The following VEZT variants were observed in gnomAD, a reference collection of about 807,000 sequenced individuals.
VEZT encodes the protein vezatin.
VEZT carries 39 observed loss-of-function variants against 79.9 expected under a neutral mutation model. The ratio of observed to expected loss-of-function variants is 0.49; its 90% CI spans 0.38 to 0.64. The LOEUF (loss-of-function observed/expected upper bound fraction) is 0.64, where lower values mean the gene tolerates loss of function less well. Among genes scored for constraint, VEZT ranks in the 30% least tolerant of loss-of-function variants. The pLI is 0.00. For synonymous variants in VEZT, 325 were observed against 327.6 expected, an observed-to-expected ratio of 0.99 and a Z score of 0.09; for missense variants, 837 against 893.1, an observed-to-expected ratio of 0.94 and a Z score of 0.80.
chr12:95,228,124 T>C lies in VEZT; in HGVS notation c.36+10238T>C, dbSNP rs577474396. On this transcript the variant is annotated intron_variant, in intron 1 of 11. Transcript: ENST00000436874. The stretch of plus-strand genomic sequence containing the variant: ...CTCCTACTTCTTTCATACTTCTGTG[T>C]AAGTTATTAAATGTTAACCCTTTGT... Among the ~76,000 whole-genome samples the C allele has an allele frequency of 3.3e-5, 5 of 152,346 alleles. No individual in the cohort carries two copies. The East Asian group carries it at 5.8e-4, about 18-fold the overall frequency.
At position 95,302,222 on chromosome 12, in the gene VEZT, G is replaced by T. The variant is rs537503839; in HGVS notation, c.*1549G>T. ...GAAGAAGCAATTATGGAAAAACTTG[G>T]TAATCTCTCTCAACCTATAACCTTA... On this transcript the variant is annotated 3_prime_UTR_variant, in exon 12 of 12. Coordinates refer to ENST00000436874, the MANE Select transcript of VEZT (RefSeq NM_017599.4). 3.9e-5 allele frequency: 6 copies of T among 152,168 alleles called. No homozygotes were observed. The East Asian group carries it at 1.2e-3, about 29-fold the overall frequency. The allele number at this position is 152,168 out of a possible 1,614,324, so 9.4% of individuals were successfully genotyped here.
intron 1 of VEZT, chr12:95,245,566 T>C (rs917216458): frequency 1.1e-5 from 5 of 456,782 alleles, no homozygotes; most frequent in South Asian, 7.7e-5. Flanking sequence ...GTATTTATTA[T>C]TGAATCAGTT....
chr12:95,291,272 A>G (rs1320968259), intron 9 of VEZT, among the ~76,000 whole-genome samples: 2 of 152,178 alleles, frequency 1.3e-5, no homozygotes, highest in Non-Finnish European at 2.9e-5. Flanking sequence ...TGTGTGTCAC[A>G]TTATTTTAAA....
chr12:95,257,031 A>G, intron 2 of VEZT, 119 bp from the exon 3 acceptor site: 1 of 810,374 alleles, frequency 1.2e-6, no homozygotes, highest in Non-Finnish European at 1.9e-6. Flanking sequence ...TAACCTGGAC[A>G]ATTTTTTTCT....
chr12:95,271,379 C>G (rs1342794449), intron 6 of VEZT, among the ~76,000 whole-genome samples: 1 of 152,036 alleles, frequency 6.6e-6, no homozygotes, highest in Non-Finnish European at 1.5e-5. Context: ...TGAATGTGAT[C>G]AATAGAGAAA....
intron 3 of VEZT, among the ~76,000 whole-genome samples, chr12:95,258,487 A>G (rs1468653514): frequency 2.0e-5 from 3 of 152,134 alleles, no homozygotes; most frequent in Non-Finnish European, 4.4e-5. Flanking sequence ...TTTACTAGTA[A>G]TGGAACAAGA....
At chr12:95,235,490 C>T (rs1171596993) in intron 1 of VEZT, among the ~76,000 whole-genome samples, 5 of 134,586 alleles carry the variant, frequency 3.7e-5, no homozygotes, top group South Asian at 2.4e-4. Context: ...TAGGGGCGGC[C>T]GGGCAGAGGC....
Position 95,217,820 on chromosome 12 carries a change from C to G in VEZT, c.-31C>G, listed in dbSNP as rs201502247. On this transcript the variant is annotated 5_prime_UTR_variant, in exon 1 of 12. The change creates a new upstream start codon in the 5' untranslated region. Transcript: ENST00000436874. ...CTGTACTCCCGCCTTCATTTCCCAT[C>G]GTGCTGAGGCGGGTGGCATGGCGGA... is the stretch of plus-strand genomic sequence containing the variant. The G allele has an allele frequency of 6.5e-7, 1 of 1,548,418 alleles. No individual in the cohort carries two copies. Among genetic ancestry groups the G allele is most frequent in the Admixed American group, 2.1e-5 (1 of 47,488 alleles).
intron 9 of VEZT, 64 bp downstream of exon 9, chr12:95,287,921 T>G: frequency 7.2e-7 from 1 of 1,383,498 alleles, no homozygotes; most frequent in Non-Finnish European, 9.6e-7. Flanking sequence ...CTGGTAGGAT[T>G]TTATTAGGTA....
chr12:95,234,763 T>C (rs1253342562), intron 1 of VEZT, among the ~76,000 whole-genome samples: 1 of 152,144 alleles, frequency 6.6e-6, no homozygotes. Context: ...GATAAACAAG[T>C]GAACAAAGGT....
At position 95,266,583 on chromosome 12, in the gene VEZT, G is replaced by T. The variant is rs776108679; in HGVS notation, c.661G>T (p.Ala221Ser). ...AGCTTTTACTAACCTCGTGAGAAAA[G>T]CTTTACGTCTCATTCAAGAAACCGA... ...SRAFTNLVRK[A>S]LRLIQETEVI... The change falls in exon 5 of 12, where the codon GCT (alanine) becomes TCT (serine). Residue 221 changes from alanine (A) to serine (S), a missense_variant. Transcript: ENST00000436874. 16 of 1,613,466 alleles carry T rather than the reference G, an allele frequency of 9.9e-6. No homozygotes were observed. The highest frequency in any genetic ancestry group is 1.3e-5 in the Non-Finnish European group (15 of 1,179,782).
chr12:95,296,004 G>A lies in VEZT; in HGVS notation c.1624-47G>A, dbSNP rs778442451. 3.7e-6 allele frequency: 5 copies of A among 1,340,256 alleles called. No homozygotes were observed. The South Asian group carries it at 7.2e-5, about 19-fold the overall frequency. 83.0% of individuals were successfully genotyped at this position (1,340,256 alleles called of 1,614,324 possible). The stretch of plus-strand genomic sequence containing the variant: ...TGCAAGTAAATGAATGCTTACTAGA[G>A]AATTGTTTGCTTCAAGTAAAGTGCT... On this transcript the variant is annotated intron_variant, in intron 10 of 11. Transcript: ENST00000436874.
At chr12:95,298,066 G>A (rs1298079906) in intron 11 of VEZT, among the ~76,000 whole-genome samples, 1 of 152,002 alleles carries the variant, frequency 6.6e-6, no homozygotes, top group African/African-American at 2.4e-5. Flanking sequence ...GTTGCAGTGA[G>A]CCGACATCGC....
At position 95,262,981 on chromosome 12, in the gene VEZT, A is replaced by C. The variant is rs778057574; in HGVS notation, c.334A>C (p.Ile112Leu). The change falls in exon 4 of 12, where the codon ATT (isoleucine) becomes CTT (leucine). Residue 112 changes from isoleucine to leucine, a missense_variant. Coordinates refer to ENST00000436874, the MANE Select transcript of VEZT (RefSeq NM_017599.4). The part of the protein sequence containing the change: ...EVLLQEDVEL[I>L]ELLDPSILSA... Reference sequence around the variant, plus strand: ...CCTGTTACAAGAGGATGTGGAGCTGATTGAGCTACTTGATCCCAGTATCCT... The same window carrying C: ...CCTGTTACAAGAGGATGTGGAGCTGCTTGAGCTACTTGATCCCAGTATCCT... The C allele has an allele frequency of 1.2e-6, 2 of 1,613,592 alleles. No individual in the cohort carries two copies. Among genetic ancestry groups the C allele is most frequent in the Non-Finnish European group, 1.7e-6 (2 of 1,179,558 alleles).
In VEZT at chr12:95,300,389, G is replaced by A. The variant is rs746125252; in HGVS notation, c.2056G>A (p.Ala686Thr). The change falls in exon 12 of 12, where the codon GCA becomes ACA. Residue 686 changes from alanine to threonine, a missense_variant. By Grantham distance (58) the Ala-to-Thr change is moderately conservative. Transcript: ENST00000436874. ...NSSNEVFPQG[A>T]EERMCYQCES... ...TTCAAATGAAGTCTTCCCCCAAGGA[G>A]CAGAAGAAAGAATGTGTTACCAATG... 2 of 1,613,942 alleles carry A rather than the reference G, an allele frequency of 1.2e-6. No individual in the cohort carries two copies. Among genetic ancestry groups the A allele is most frequent in the South Asian group, 2.2e-5 (2 of 91,068 alleles).
At chr12:95,218,261 A>G (rs770858487) in intron 1 of VEZT, 1 of 170,616 alleles carries the variant, frequency 5.9e-6, no homozygotes, top group Non-Finnish European at 1.3e-5. Flanking sequence ...CTCCTTTTCC[A>G]TCCGCGATTT....
At position 95,266,409 on chromosome 12, in the gene VEZT, T is replaced by G. The variant is rs1265184567; in HGVS notation, c.487T>G (p.Trp163Gly). 4.3e-6 allele frequency: 7 copies of G among 1,613,784 alleles called. No homozygotes were observed. The highest frequency in any genetic ancestry group is 5.9e-6 in the Non-Finnish European group (7 of 1,179,856). ...TAGCTTGCTCGTTATGCTTCCCACT[T>G]GGTGGATTGTGTCTTCCTGGCTGGT... is the stretch of plus-strand genomic sequence containing the variant. ...FISLLVMLPT[W>G]WIVSSWLVWG... is the part of the protein sequence containing the mutation. The change falls in exon 5 of 12, where the codon TGG (tryptophan) becomes GGG (glycine). Residue 163 changes from tryptophan to glycine, a missense_variant. Trp to Gly is a radical substitution (Grantham distance 184, BLOSUM62 -2). Coordinates refer to ENST00000436874, the MANE Select transcript of VEZT (RefSeq NM_017599.4).
At chr12:95,260,174 C>T (rs77744812) in intron 3 of VEZT, among the ~76,000 whole-genome samples, 16,829 of 144,772 alleles carry the variant, frequency 0.12, 1,247 homozygotes, top group East Asian at 0.17. Context: ...GGCACCATCT[C>T]GGCTCACTGC....
At chr12:95,221,227 T>C (rs11107940) in intron 1 of VEZT, among the ~76,000 whole-genome samples, 4 of 152,156 alleles carry the variant, frequency 2.6e-5, no homozygotes, top group African/African-American at 9.7e-5. Context: ...TGGATACAAG[T>C]CCTTTGTTAG....
Sources: allele counts gnomAD v4.1 joint callset (sites outside exome capture counted in the v4.1 genomes callset), GRCh38; gene constraint gnomAD v4.1.1; transcripts MANE v1.5; gene names NCBI Gene and HGNC (gene_info 2026-07-23, HGNC 2026-07-21).